The following ATG7 variants were observed in gnomAD, a reference collection of about 807,000 sequenced individuals.
ATG7 encodes the protein ubiquitin-like modifier-activating enzyme ATG7.
A neutral mutation model predicts 82.4 loss-of-function variants in ATG7; 70 were observed. That is an observed-to-expected ratio of 0.85 (90% CI 0.70 to 1.04). ATG7 has a LOEUF of 1.04. Among genes scored for constraint, ATG7 ranks in the 50% least tolerant of loss-of-function variants. ATG7 has a pLI of 0.00. For synonymous variants in ATG7, 287 were observed against 313.0 expected, an observed-to-expected ratio of 0.92 and a Z score of 0.88; for missense variants, 792 against 864.3, an observed-to-expected ratio of 0.92 and a Z score of 1.05.
At chr3:11,446,989 C>A (rs1438705641) in intron 20 of ATG7, 1 of 152,662 alleles carries the variant, frequency 6.6e-6, no homozygotes, top group African/African-American at 2.4e-5. Context: ...TCACATGTAA[C>A]CATATCACAT....
chr3:11,516,112 A>G (rs532143436), intron 20 of ATG7, among the ~76,000 whole-genome samples: 33 of 152,194 alleles, frequency 2.2e-4, no homozygotes, highest in African/African-American at 6.3e-4. Flanking sequence ...ACCAACTGCT[A>G]TGTTAGTTTC....
chr3:11,408,387 G>T (rs779131520), intron 19 of ATG7, among the ~76,000 whole-genome samples: 2 of 152,118 alleles, frequency 1.3e-5, no homozygotes, highest in African/African-American at 2.4e-5. Context: ...CCCACATTTT[G>T]CTGTCTTCTT....
the ATG7 span, chr3:11,568,474 C>T: frequency 7.7e-7 from 1 of 1,296,692 alleles, no homozygotes; most frequent in Non-Finnish European, 1.1e-6. The surrounding 1 kb of genome is among the most constrained non-coding windows in gnomAD (Gnocchi z 5.9). Context: ...ACTTCCAGGC[C>T]CACTAACTGG....
At chr3:11,341,404 A>G (rs1346489984) in intron 12 of ATG7, among the ~76,000 whole-genome samples, 1 of 151,756 alleles carries the variant, frequency 6.6e-6, no homozygotes, top group African/African-American at 2.4e-5. Flanking sequence ...TATTTCATGG[A>G]AGCCAGTATT....
At chr3:11,299,926 CACTT>C (rs950257465) in intron 5 of ATG7, among the ~76,000 whole-genome samples, 3 of 144,428 alleles carry the variant, frequency 2.1e-5, no homozygotes, top group African/African-American at 7.6e-5. Context: ...AGAAGAGACA[CACTT>C]TTTTTTTTTT....
At chr3:11,423,356 A>C (rs1188761833) in intron 19 of ATG7, among the ~76,000 whole-genome samples, 3 of 152,204 alleles carry the variant, frequency 2.0e-5, no homozygotes, top group African/African-American at 7.2e-5. Flanking sequence ...AATAATGAAA[A>C]AGTTTGAAAT....
intron 20 of ATG7, among the ~76,000 whole-genome samples, chr3:11,476,451 GAAC>G (rs1230925425): frequency 6.8e-6 from 1 of 147,334 alleles, no homozygotes; most frequent in Non-Finnish European, 1.5e-5. Context: ...CCTTAGATGA[GAAC>G]TACTGTTTGC....
chr3:11,313,537 C>T (rs1277155921), intron 8 of ATG7, 117 bp downstream of exon 8: 1 of 663,594 alleles, frequency 1.5e-6, no homozygotes, highest in African/African-American at 1.8e-5. Flanking sequence ...TAACTGAAAT[C>T]CTCCAAAGGT....
intron 20 of ATG7, among the ~76,000 whole-genome samples, chr3:11,548,767 G>A (rs1358774419): frequency 6.7e-6 from 1 of 150,282 alleles, no homozygotes; most frequent in African/African-American, 2.5e-5. Context: ...TTAGTCAGCT[G>A]GTTCCCCGCT....
intron 19 of ATG7, among the ~76,000 whole-genome samples, chr3:11,426,120 T>C (rs966951306): frequency 6.6e-6 from 1 of 152,216 alleles, no homozygotes; most frequent in African/African-American, 2.4e-5. Context: ...ACATTTTTGT[T>C]GGGTGTATAT....
Position 11,347,951 on chromosome 3 carries a change from C to T in ATG7, c.1200C>T (p.Leu400=), listed in dbSNP as rs1954814322. ...ACTCCAATCCTGTGAGGCAGCCTCTCTATGAGTTTGAAGATTGCCTAGGGG... is the reference window on the plus strand; with the variant it reads ...ACTCCAATCCTGTGAGGCAGCCTCTTTATGAGTTTGAAGATTGCCTAGGGG... ...ISYSNPVRQP[L]YEFEDCLGGG... The change falls in exon 14 of 21, where the codon CTC becomes CTT. Residue 400 remains leucine (L), a synonymous_variant. Transcript: ENST00000693202. The T allele has an allele frequency of 6.2e-7, 1 of 1,614,056 alleles. No homozygotes were observed. The highest frequency in any genetic ancestry group is 1.3e-5 in the African/African-American group (1 of 74,926).
chr3:11,360,848 G>A (rs1015367389), intron 16 of ATG7, 64 bp downstream of exon 16: 30 of 1,512,590 alleles, frequency 2.0e-5, no homozygotes, highest in Middle Eastern at 3.6e-4. Context: ...GAGGCAGACC[G>A]ACTTGGCCCT....
intron 2 of ATG7, among the ~76,000 whole-genome samples, chr3:11,281,404 G>C (rs1171842496): frequency 6.6e-6 from 1 of 152,244 alleles, no homozygotes; most frequent in Non-Finnish European, 1.5e-5. Context: ...AAGTGGACTA[G>C]AGTGGCCCAT....
intron 20 of ATG7, among the ~76,000 whole-genome samples, chr3:11,500,158 C>A (rs554089414): frequency 1.3e-5 from 2 of 152,080 alleles, no homozygotes; most frequent in Admixed American, 1.3e-4. Flanking sequence ...ATAGCAGCAA[C>A]GCGCAACATA....
intron 19 of ATG7, among the ~76,000 whole-genome samples, chr3:11,388,192 C>A (rs1018829456): frequency 6.6e-6 from 1 of 152,100 alleles, no homozygotes; most frequent in Non-Finnish European, 1.5e-5. Flanking sequence ...TCCTTTTCCT[C>A]AACTGTAGTA....
chr3:11,321,474 G>T (rs1291860609), intron 9 of ATG7, among the ~76,000 whole-genome samples: 1 of 152,188 alleles, frequency 6.6e-6, no homozygotes, highest in Non-Finnish European at 1.5e-5. Context: ...ATCCTTACAT[G>T]CCCTGCAAAG....
At chr3:11,398,280 CA>C (rs2079499007) in intron 19 of ATG7, among the ~76,000 whole-genome samples, 1 of 152,040 alleles carries the variant, frequency 6.6e-6, no homozygotes, top group South Asian at 2.1e-4. Context: ...ATATTCTTTT[CA>C]AGCACACACA....
intron 19 of ATG7, among the ~76,000 whole-genome samples, chr3:11,405,429 A>G (rs1473193143): frequency 6.6e-6 from 1 of 152,104 alleles, no homozygotes; most frequent in African/African-American, 2.4e-5. Flanking sequence ...ACCAAGATTC[A>G]GTTTTTCTTG....
At chr3:11,310,636 T>G (rs945406210) in intron 7 of ATG7, among the ~76,000 whole-genome samples, 109 of 149,794 alleles carry the variant, frequency 7.3e-4, no homozygotes, top group Non-Finnish European at 7.6e-4. Flanking sequence ...ATTCTGTAGT[T>G]TTTTTTTTTT....
Sources: gnomAD v4.1 joint callset for allele counts (sites outside exome capture counted in the v4.1 genomes callset) on GRCh38, gnomAD v4.1.1 for gene constraint, Gnocchi (gnomAD v3.1) non-coding constraint, MANE v1.5 for transcripts, NCBI Gene and HGNC (gene_info 2026-07-23, HGNC 2026-07-21) for gene names.